The following STK31 variants were observed in gnomAD, a reference collection of about 807,000 sequenced individuals.
STK31 encodes the protein serine/threonine-protein kinase 31.
A neutral mutation model predicts 129.7 loss-of-function variants in STK31; 89 were observed. That is an observed-to-expected ratio of 0.69 (90% CI 0.58 to 0.82). The LOEUF is 0.82. Ranked by LOEUF, STK31 falls within the 40% of genes least tolerant of loss-of-function variation. The probability of loss-of-function intolerance (pLI) is 0.00; values close to 1 mark genes in which losing one functional copy is unlikely to be tolerated. For synonymous variants in STK31, 448 were observed against 395.3 expected (o/e 1.13, Z -1.58); for missense variants, 1,187 against 1,176.4 (o/e 1.01, Z -0.13).
At chr7:23,715,027 C>T (rs533327242) in intron 3 of STK31, among the ~76,000 whole-genome samples, 7 of 152,088 alleles carry the variant, frequency 4.6e-5, no homozygotes, top group South Asian at 2.1e-4. Flanking sequence ...AGGAAACATG[C>T]GCATGAAAAG....
At chr7:23,750,491 A>G (rs188021611) in intron 8 of STK31, among the ~76,000 whole-genome samples, 1 of 152,332 alleles carries the variant, frequency 6.6e-6, no homozygotes, top group Non-Finnish European at 1.5e-5. Flanking sequence ...CTTACATGTG[A>G]AACCAAAACC....
chr7:23,818,501 A>G (rs1013728157), intron 23 of STK31, among the ~76,000 whole-genome samples: 1 of 152,156 alleles, frequency 6.6e-6, no homozygotes, highest in East Asian at 1.9e-4. Context: ...TAGTTTTTCT[A>G]TCCCATTGGT....
At chr7:23,761,495 A>T (rs1789458718) in intron 10 of STK31, among the ~76,000 whole-genome samples, 1 of 147,324 alleles carries the variant, frequency 6.8e-6, no homozygotes, top group African/African-American at 2.5e-5. Context: ...ATCTCGGCTC[A>T]CTGCAAGTTC....
intron 8 of STK31, among the ~76,000 whole-genome samples, chr7:23,738,377 T>TTTTG (rs1250240132): frequency 1.5e-5 from 2 of 130,488 alleles, no homozygotes; most frequent in African/African-American, 2.9e-5. Flanking sequence ...AGTATTTTGG[T>TTTTG]TTTGTTTGTT....
At chr7:23,797,413 C>G (rs1222048709) in intron 22 of STK31, among the ~76,000 whole-genome samples, 1 of 152,086 alleles carries the variant, frequency 6.6e-6, no homozygotes, top group Non-Finnish European at 1.5e-5. Flanking sequence ...TTAATGGTCT[C>G]TCAGACCACA....
At chr7:23,819,189 T>C (rs1253104205) in intron 23 of STK31, among the ~76,000 whole-genome samples, 1 of 152,202 alleles carries the variant, frequency 6.6e-6, no homozygotes, top group Non-Finnish European at 1.5e-5. Context: ...TTTTGTAATA[T>C]TTAATTGTTT....
chr7:23,781,089 G>A (rs1243824884), intron 15 of STK31, among the ~76,000 whole-genome samples: 1 of 152,166 alleles, frequency 6.6e-6, no homozygotes, highest in East Asian at 1.9e-4. Flanking sequence ...GTGTATTCTG[G>A]TTGCTATTAT....
rs1183044042 is a variant in STK31 at position 23,783,792 on chromosome 7, G to A, written c.2148+129G>A. The A allele has an allele frequency of 4.7e-5, 31 of 657,734 alleles. No homozygotes were observed. The East Asian group carries it at 9.1e-4, about 19-fold the overall frequency. The allele number at this position is 657,734 out of a possible 1,614,324, so 40.7% of individuals were successfully genotyped here. The stretch of plus-strand genomic sequence containing the variant: ...AATACTCCTGATGAATATTTTATGG[G>A]TATTAGAACTTTTTCTTATGACCCT... On this transcript the variant is annotated intron_variant, in intron 17 of 23. Coordinates refer to ENST00000355870, the MANE Select transcript of STK31 (RefSeq NM_031414.5).
intron 6 of STK31, 100 bp downstream of exon 6, chr7:23,729,349 G>C: frequency 1.9e-6 from 2 of 1,070,968 alleles, no homozygotes; most frequent in Non-Finnish European, 1.3e-6. Flanking sequence ...ATAAAAGTCT[G>C]TATAAATTAG....
At chr7:23,741,729 C>T (rs892465562) in intron 8 of STK31, among the ~76,000 whole-genome samples, 2 of 152,172 alleles carry the variant, frequency 1.3e-5, no homozygotes, top group Non-Finnish European at 2.9e-5. Context: ...GAGGGTGGGG[C>T]CCCTCTCAGG....
intron 17 of STK31, 72 bp downstream of exon 17, chr7:23,783,735 C>T (rs910995146): frequency 4.1e-6 from 5 of 1,233,828 alleles, no homozygotes; most frequent in African/African-American, 3.0e-5. Context: ...AAATTTGTGT[C>T]AGTGTTAAAC....
intron 22 of STK31, among the ~76,000 whole-genome samples, chr7:23,792,719 C>T (rs150010521): frequency 6.6e-6 from 1 of 152,052 alleles, no homozygotes; most frequent in Non-Finnish European, 1.5e-5. Flanking sequence ...TTAATAGATT[C>T]TAGGAAATTA....
chr7:23,747,857 T>C (rs1423217818), intron 8 of STK31, among the ~76,000 whole-genome samples: 1 of 152,214 alleles, frequency 6.6e-6, no homozygotes, highest in Non-Finnish European at 1.5e-5. Context: ...CTGTCTTTTT[T>C]TCCTTTATTA....
intron 15 of STK31, among the ~76,000 whole-genome samples, chr7:23,777,481 C>G (rs978008822): frequency 5.3e-5 from 8 of 152,160 alleles, no homozygotes; most frequent in Non-Finnish European, 7.3e-5. Context: ...TTGTAGGTCT[C>G]TAAGATCTTG....
chr7:23,789,336 CT>C (rs1791482740), intron 21 of STK31, among the ~76,000 whole-genome samples: 1 of 151,984 alleles, frequency 6.6e-6, no homozygotes, highest in African/African-American at 2.4e-5. Context: ...CATTGTTTTA[CT>C]TTTTGAGGAG....
chr7:23,820,380 A>C (rs1793727102), intron 23 of STK31, among the ~76,000 whole-genome samples: 1 of 152,154 alleles, frequency 6.6e-6, no homozygotes, highest in Non-Finnish European at 1.5e-5. Context: ...GGGAGTGCTG[A>C]CTGTACTTAC....
chr7:23,755,414 A>G (rs1436940537), intron 10 of STK31, among the ~76,000 whole-genome samples: 1 of 152,128 alleles, frequency 6.6e-6, no homozygotes, highest in African/African-American at 2.4e-5. Flanking sequence ...AGATGGGTAG[A>G]TTGCAAAAAT....
In STK31 at chr7:23,787,853, T is replaced by G. The variant is rs1021540037; in HGVS notation, c.2488-127T>G. ...TCATCTGGTCTTTCTCTATGCTGTATTCTTATTAATGGTTCATTTCGAGGA... is the reference window on the plus strand; with the variant it reads ...TCATCTGGTCTTTCTCTATGCTGTAGTCTTATTAATGGTTCATTTCGAGGA... On this transcript the variant is annotated intron_variant, in intron 20 of 23. Coordinates refer to ENST00000355870, the MANE Select transcript of STK31 (RefSeq NM_031414.5). 1.7e-5 allele frequency: 15 copies of G among 859,632 alleles called. No individual in the cohort carries two copies. In the African/African-American group the frequency reaches 2.4e-4, roughly 14 times the overall value. 53.3% of individuals were successfully genotyped at this position (859,632 alleles called of 1,614,324 possible). A position where few individuals can be genotyped will look rare whatever the true frequency, so the allele number is the denominator to read the frequency against.
chr7:23,720,176 G>A (rs532827304), intron 4 of STK31, among the ~76,000 whole-genome samples: 7 of 152,182 alleles, frequency 4.6e-5, no homozygotes, highest in East Asian at 3.9e-4. Context: ...AAAGAAACAC[G>A]AAAAATATGG....
Sources: allele counts gnomAD v4.1 joint callset (sites outside exome capture counted in the v4.1 genomes callset), GRCh38; gene constraint gnomAD v4.1.1; transcripts MANE v1.5; gene names NCBI Gene and HGNC (gene_info 2026-07-23, HGNC 2026-07-21).